Variants in STIMATE observed in about 807,000 individuals in gnomAD.
The protein encoded by STIMATE is STIM activating enhancer, also known as store-operated calcium entry regulator STIMATE.
In STIMATE, 15 loss-of-function variants were observed where a neutral mutation model predicts 36.7. That is an observed-to-expected ratio of 0.41 (90% CI 0.27 to 0.63). The LOEUF (loss-of-function observed/expected upper bound fraction) is 0.63. STIMATE is among the 20% of genes least tolerant of loss of function. The pLI, the probability that STIMATE is intolerant of heterozygous loss-of-function variation, is 0.32. For missense variants in STIMATE, 305 were observed against 397.3 expected (o/e 0.77, Z 1.98); for synonymous variants, 163 against 162.3 (o/e 1.00, Z -0.03).
In STIMATE at chr3:52,838,672, C is replaced by G. The variant is rs1437300038; in HGVS notation, c.*1822G>C. The G allele has an allele frequency of 6.6e-6, 1 of 152,248 alleles. No homozygotes were observed. Among genetic ancestry groups the G allele is most frequent in the Non-Finnish European group, 1.5e-5 (1 of 68,064 alleles). 9.4% of individuals were successfully genotyped at this position (152,248 alleles called of 1,614,324 possible). ...TTACAGTCCCTGCTCCTCTCAGCAC[C>G]CTGGCTCTGCACTCCTGGTGGAAGA... On this transcript the variant is annotated 3_prime_UTR_variant, in exon 8 of 8. Transcript: ENST00000355083.
At chr3:52,853,053 G>T (rs915685334) in intron 2 of STIMATE, among the ~76,000 whole-genome samples, 15 of 152,210 alleles carry the variant, frequency 9.9e-5, no homozygotes, top group Non-Finnish European at 2.1e-4. Flanking sequence ...TAAATTATGT[G>T]TGAAATTAAC....
rs1559493991 is a variant in STIMATE, at chr3:52,863,819, C to T, written c.161-8375G>A. Among the ~76,000 whole-genome samples the T allele has an allele frequency of 3.9e-5, 6 of 152,190 alleles. No individual in the cohort carries two copies. In the South Asian group the frequency reaches 1.2e-3, roughly 32 times the overall value. ...AGTGGTTACAGGGCCCATGCAAGTC[C>T]GAAATCCAGCTGGGCAGTCAAATTT... is the stretch of plus-strand genomic sequence containing the variant. On this transcript the variant is annotated intron_variant, in intron 1 of 7. Coordinates refer to ENST00000355083, the MANE Select transcript of STIMATE (RefSeq NM_198563.5).
At chr3:52,893,181 T>C (rs1575353637) in intron 1 of STIMATE, among the ~76,000 whole-genome samples, 2 of 152,326 alleles carry the variant, frequency 1.3e-5, no homozygotes, top group Non-Finnish European at 2.9e-5. Context: ...TATAAAAGAC[T>C]TGTGACATTT....
chr3:52,890,421 C>T (rs1311142931), intron 1 of STIMATE, among the ~76,000 whole-genome samples: 2 of 152,194 alleles, frequency 1.3e-5, no homozygotes, highest in Admixed American at 6.5e-5. Context: ...TAAATAGGGG[C>T]GATTTGGCCC....
intron 1 of STIMATE, among the ~76,000 whole-genome samples, chr3:52,859,159 T>C (rs1237004705): frequency 1.8e-5 from 2 of 108,532 alleles, no homozygotes; most frequent in Non-Finnish European, 3.9e-5. Flanking sequence ...CGAGACTCCA[T>C]CTCAAAAAAA....
intron 1 of STIMATE, among the ~76,000 whole-genome samples, chr3:52,887,127 G>A (rs1358079843): frequency 6.6e-6 from 1 of 152,204 alleles, no homozygotes; most frequent in African/African-American, 2.4e-5. Flanking sequence ...ATGTGAACAT[G>A]GACTGTGGAT....
At chr3:52,868,522 T>C (rs1701349553) in intron 1 of STIMATE, among the ~76,000 whole-genome samples, 1 of 152,254 alleles carries the variant, frequency 6.6e-6, no homozygotes, top group Non-Finnish European at 1.5e-5. Context: ...GTTTCTTCAG[T>C]TGTCCACTTC....
intron 5 of STIMATE, 91 bp from the exon 6 acceptor site, chr3:52,843,889 C>T: frequency 6.4e-7 from 1 of 1,565,078 alleles, no homozygotes; most frequent in Non-Finnish European, 8.7e-7. Flanking sequence ...CCTGAGGGAG[C>T]CTTAGCTTAA....
intron 1 of STIMATE, among the ~76,000 whole-genome samples, chr3:52,893,482 C>T (rs572420360): frequency 6.6e-5 from 10 of 151,998 alleles, no homozygotes; most frequent in African/African-American, 1.9e-4. Flanking sequence ...ATGTTTTCTA[C>T]GTTTGACATT....
intron 4 of STIMATE, chr3:52,848,006 A>G (rs1292904448): frequency 6.3e-6 from 1 of 159,522 alleles, no homozygotes; most frequent in Admixed American, 6.1e-5. Context: ...AGGCTCCAGA[A>G]GCCAGCCCCA....
rs1700867012 is a variant in STIMATE, at chr3:52,844,879, A to C, written c.490T>G (p.Phe164Val). The C allele has an allele frequency of 1.2e-6, 2 of 1,614,140 alleles. No homozygotes were observed. Among genetic ancestry groups the C allele is most frequent in the Non-Finnish European group, 1.7e-6 (2 of 1,180,034 alleles). ...QCALYIVIMI[F>V]EKSVVFIVLL... Reference sequence around the variant, plus strand: ...ACGATGAAGACGACAGACTTTTCAAAAATCATGATCACGATGTAAAGAGCG... The same window carrying C: ...ACGATGAAGACGACAGACTTTTCAACAATCATGATCACGATGTAAAGAGCG... The change falls in exon 5 of 8, where the codon TTT becomes GTT. Residue 164 changes from phenylalanine (F) to valine (V), a missense_variant. This residue lies in a region of STIMATE where 164 missense variants were observed against 257.9 expected (regional missense o/e 0.64). Coordinates refer to ENST00000355083, the MANE Select transcript of STIMATE (RefSeq NM_198563.5).
chr3:52,887,401 GCCTATTCTGT>G (rs1358742721), intron 1 of STIMATE, among the ~76,000 whole-genome samples: 1 of 152,220 alleles, frequency 6.6e-6, no homozygotes, highest in Non-Finnish European at 1.5e-5. Context: ...ACAGGCAGAG[GCCTATTCTGT>G]ACCACACAGA....
intron 4 of STIMATE, 121 bp from the exon 5 acceptor site, chr3:52,845,062 A>G: frequency 1.3e-5 from 12 of 906,032 alleles, no homozygotes; most frequent in Non-Finnish European, 1.7e-5. Context: ...AAGGTACTTA[A>G]TGAGCCCCCC....
chr3:52,852,860 G>A (rs1269543730), intron 2 of STIMATE, among the ~76,000 whole-genome samples, 162 bp from the exon 3 acceptor site: 1 of 152,182 alleles, frequency 6.6e-6, no homozygotes, highest in African/African-American at 2.4e-5. Context: ...TGGCATCTCA[G>A]CCACCTTTCA....
At chr3:52,880,253 C>T (rs563697910) in intron 1 of STIMATE, among the ~76,000 whole-genome samples, 9 of 152,310 alleles carry the variant, frequency 5.9e-5, no homozygotes, top group South Asian at 2.1e-4. Flanking sequence ...ATCCTTCTGA[C>T]GTGCTCTTCA....
At chr3:52,846,898 G>A (rs1700916744) in intron 4 of STIMATE, among the ~76,000 whole-genome samples, 1 of 152,064 alleles carries the variant, frequency 6.6e-6, no homozygotes, top group African/African-American at 2.4e-5. Flanking sequence ...GTCCTGCTTT[G>A]TCATTGCTGT....
chr3:52,896,763 G>T (rs1294265832), intron 1 of STIMATE, among the ~76,000 whole-genome samples: 2 of 152,238 alleles, frequency 1.3e-5, no homozygotes, highest in Non-Finnish European at 2.9e-5. Flanking sequence ...CCACGGAGAG[G>T]GAGGCGGGTA....
intron 1 of STIMATE, among the ~76,000 whole-genome samples, chr3:52,875,337 C>T (rs1701484968): frequency 1.3e-5 from 2 of 152,214 alleles, no homozygotes; most frequent in South Asian, 4.1e-4. Context: ...GCCGTGGAGT[C>T]TGCATTTCTC....
intron 1 of STIMATE, among the ~76,000 whole-genome samples, chr3:52,868,675 T>A (rs934452557): frequency 3.9e-5 from 6 of 152,146 alleles, no homozygotes; most frequent in African/African-American, 1.4e-4. Context: ...CAGGCTGGAG[T>A]GCAGTGGCGA....
Sources: allele counts gnomAD v4.1 joint callset (sites outside exome capture counted in the v4.1 genomes callset), GRCh38; gene constraint gnomAD v4.1.1; regional missense constraint gnomAD v4.1.1; transcripts MANE v1.5; gene names NCBI Gene and HGNC (gene_info 2026-07-23, HGNC 2026-07-21).